The following PPEF1 variants were observed in gnomAD, a reference collection of about 807,000 sequenced individuals.
The protein encoded by PPEF1 is protein phosphatase with EF-hand domain 1, also known as serine/threonine-protein phosphatase with EF-hands 1.
PPEF1 carries 12 observed loss-of-function variants against 53.3 expected under a neutral mutation model. That is an observed-to-expected ratio of 0.23 (90% CI 0.14 to 0.36). The LOEUF (loss-of-function observed/expected upper bound fraction) is 0.36, where lower values mean the gene tolerates loss of function less well. Ranked by LOEUF, PPEF1 falls within the 10% of genes least tolerant of loss-of-function variation. The pLI is 1.00. For synonymous variants in PPEF1, 165 were observed against 176.7 expected, an observed-to-expected ratio of 0.93 and a Z score of 0.52; for missense variants, 334 against 490.4, an observed-to-expected ratio of 0.68 and a Z score of 3.01.
chrX:18,678,472 G>A (rs1161977430), upstream of PPEF1, among the ~76,000 whole-genome samples: 1 of 110,996 alleles, frequency 9.0e-6, no homozygotes, highest in Non-Finnish European at 1.9e-5. Flanking sequence ...CAGGAAAAAA[G>A]CTCTTAATTC....
intron 6 of PPEF1, among the ~76,000 whole-genome samples, chrX:18,774,096 T>C (rs2045921309): frequency 9.0e-6 from 1 of 111,636 alleles, no homozygotes; most frequent in Admixed American, 9.6e-5. Flanking sequence ...TTTTTATTTT[T>C]ATTTTTTTTT....
intron 5 of PPEF1, among the ~76,000 whole-genome samples, chrX:18,759,426 T>C (rs185856247): frequency 7.2e-4 from 80 of 111,793 alleles, no homozygotes; most frequent in African/African-American, 2.5e-3. Flanking sequence ...TTTTTTTACA[T>C]GTACATCTAA....
rs190004870 is a variant in PPEF1 at position 18,771,912 on chromosome X, C to T, written c.559-7098C>T. Among the ~76,000 whole-genome samples the T allele has an allele frequency of 8.9e-3, 990 of 111,390 alleles. 12 individuals carry two copies. The highest frequency in any genetic ancestry group is 0.031 in the African/African-American group (940 of 30,677). ...GGTGGATCACTTGAGGCCAGGAGAT[C>T]GAGACCAGCCTGGCCAACATGGCGA... On this transcript the variant is annotated intron_variant, in intron 6 of 15. Coordinates refer to ENST00000470157, the MANE Select transcript of PPEF1 (RefSeq NM_001377996.1).
chrX:18,684,502 G>T (rs1055905781), intron 1 of PPEF1, among the ~76,000 whole-genome samples: 1 of 111,467 alleles, frequency 9.0e-6, no homozygotes, highest in African/African-American at 3.3e-5. Flanking sequence ...ATCACTTTCA[G>T]TGAGATTACA....
rs781608340 is a variant in PPEF1, at chrX:18,806,538, C to G, written c.1387C>G (p.Arg463Gly). ...VTKATCFQPL[R>G]QRVDTMENSA... The stretch of plus-strand genomic sequence containing the variant: ...TAAAGCAACGTGCTTTCAGCCTCTT[C>G]GCCAAAGGTGTGTATACTATACCGA... The change falls in exon 12 of 16, where the codon CGC becomes GGC. Residue 463 changes from arginine (R) to glycine (G), a missense_variant. Transcript: ENST00000470157. 5 of 1,207,773 alleles carry G rather than the reference C, an allele frequency of 4.1e-6. No individual in the cohort carries two copies. Among genetic ancestry groups the G allele is most frequent in the East Asian group, 3.0e-5 (1 of 33,827 alleles).
At chrX:18,775,118 G>A (rs750716837) in intron 6 of PPEF1, among the ~76,000 whole-genome samples, 3 of 107,187 alleles carry the variant, frequency 2.8e-5, no homozygotes, top group Non-Finnish European at 3.8e-5. Flanking sequence ...TACTCAAAAT[G>A]ATGAGAGTAA....
intron 12 of PPEF1, among the ~76,000 whole-genome samples, chrX:18,817,067 CATGTGTGT>C (rs750729897): frequency 2.0e-5 from 1 of 49,149 alleles, no homozygotes; most frequent in African/African-American, 5.6e-5. Context: ...ATCATTTTGC[CATGTGTGT>C]GTGTGTGTGT....
At chrX:18,711,754 C>CA (rs2044334161) in intron 1 of PPEF1, among the ~76,000 whole-genome samples, 1 of 89,204 alleles carries the variant, frequency 1.1e-5, no homozygotes. Context: ...ATTACTATAG[C>CA]TTTTTTTTTT....
intron 6 of PPEF1, among the ~76,000 whole-genome samples, chrX:18,772,724 A>T (rs2045894150): frequency 8.9e-6 from 1 of 112,490 alleles, no homozygotes; most frequent in South Asian, 3.7e-4. Context: ...GCTTAGCTGG[A>T]TGGATTCTGG....
At chrX:18,790,081 A>G (rs1182663081) in intron 10 of PPEF1, among the ~76,000 whole-genome samples, 2 of 111,826 alleles carry the variant, frequency 1.8e-5, no homozygotes, top group East Asian at 5.6e-4. Context: ...GAACGTTCCA[A>G]TTTCTCCACA....
intron 5 of PPEF1, among the ~76,000 whole-genome samples, chrX:18,699,746 G>C (rs1176611264): frequency 9.0e-6 from 1 of 111,629 alleles, no homozygotes; most frequent in African/African-American, 3.3e-5. Context: ...TGAACAGCTG[G>C]TGGAGTATAA....
chrX:18,763,840 C>T (rs2045714079), intron 6 of PPEF1, among the ~76,000 whole-genome samples: 1 of 111,217 alleles, frequency 9.0e-6, no homozygotes, highest in Admixed American at 9.6e-5. Context: ...TTCAGCAGGC[C>T]CAAGCCAGGA....
At chrX:18,707,268 A>G (rs760040676), upstream of PPEF1, among the ~76,000 whole-genome samples, 5 of 112,083 alleles carry the variant, frequency 4.5e-5, no homozygotes, top group Admixed American at 1.9e-4. Context: ...AAAAGCCTAG[A>G]TAGGTTGAAT....
intron 1 of PPEF1, among the ~76,000 whole-genome samples, chrX:18,712,300 T>C (rs1011534000): frequency 2.2e-4 from 25 of 111,737 alleles, no homozygotes; most frequent in African/African-American, 8.1e-4. Flanking sequence ...ACATGGGATG[T>C]CTTTCCATCT....
In PPEF1 at chrX:18,779,625, C is replaced by T. The variant is rs141868023; in HGVS notation, c.725+449C>T. 8.5e-3 allele frequency among the ~76,000 whole-genome samples: 957 copies of T among 112,212 alleles called. 12 individuals are homozygous for T. The highest frequency in any genetic ancestry group is 0.029 in the African/African-American group (895 of 30,896). Reference sequence around the variant, plus strand: ...GTATTGTTTTATGACATGATAATTGCTTCTGGCATTGTTGCTCATAAACAT... The same window carrying T: ...GTATTGTTTTATGACATGATAATTGTTTCTGGCATTGTTGCTCATAAACAT... On this transcript the variant is annotated intron_variant, in intron 7 of 15. Transcript: ENST00000470157.
At chrX:18,703,795 C>CT (rs1277087289), upstream of PPEF1, among the ~76,000 whole-genome samples, 322 of 104,779 alleles carry the variant, frequency 3.1e-3, no homozygotes, top group African/African-American at 0.01. Flanking sequence ...TGAGACAGTG[C>CT]TTTTTTTTTT....
At chrX:18,821,565 C>G (rs776524694) in intron 13 of PPEF1, among the ~76,000 whole-genome samples, 2 of 109,885 alleles carry the variant, frequency 1.8e-5, no homozygotes, top group Non-Finnish European at 3.8e-5. Context: ...TATGCCACCA[C>G]GCCCAGCTAA....
At chrX:18,776,812 C>T (rs1177842310) in intron 6 of PPEF1, among the ~76,000 whole-genome samples, 2 of 110,307 alleles carry the variant, frequency 1.8e-5, no homozygotes, top group South Asian at 7.7e-4. Context: ...CCCAGCTACT[C>T]GGGAGGCTGA....
At chrX:18,756,335 A>G (rs985001649) in intron 4 of PPEF1, among the ~76,000 whole-genome samples, 1 of 109,545 alleles carries the variant, frequency 9.1e-6, no homozygotes, top group Non-Finnish European at 1.9e-5. Flanking sequence ...GCGCCCCACC[A>G]TGCCTGGCTA....
Sources: gnomAD v4.1 joint callset for allele counts (sites outside exome capture counted in the v4.1 genomes callset) on GRCh38, gnomAD v4.1.1 for gene constraint, MANE v1.5 for transcripts, NCBI Gene and HGNC (gene_info 2026-07-23, HGNC 2026-07-21) for gene names.